Variants in FMN1 observed in about 807,000 individuals in gnomAD.
FMN1 encodes formin 1, also known as formin-1.
In FMN1, 110 loss-of-function variants were observed where a neutral mutation model predicts 132.4. The ratio of observed to expected loss-of-function variants is 0.83; its 90% confidence interval spans 0.71 to 0.97. FMN1 has a LOEUF of 0.97. Ranked by LOEUF, FMN1 falls within the 50% of genes least tolerant of loss-of-function variation. The probability of loss-of-function intolerance (pLI) is 0.00; values close to 1 mark genes in which losing one functional copy is unlikely to be tolerated. For synonymous variants in FMN1, 722 were observed against 651.7 expected, an observed-to-expected ratio of 1.11 and a Z score of -1.64; for missense variants, 1,792 against 1,705.3, an observed-to-expected ratio of 1.05 and a Z score of -0.90.
chr15:32,776,845 G>A lies in FMN1; in HGVS notation c.4205C>T (p.Thr1402Ile). ...KKVETKKINPTASLKERLRQK... is the reference protein window; with the variant it reads ...KKVETKKINPIASLKERLRQK... Reference sequence around the variant, plus strand: ...AAAAATATATCTCACCAGGCTAGCAGTGGGATTGATTTTCTTTGTCTCCAC... The same window carrying A: ...AAAAATATATCTCACCAGGCTAGCAATGGGATTGATTTTCTTTGTCTCCAC... Residue 1402 changes from threonine (T) to isoleucine (I), a missense_variant, in exon 20 of 21, where the codon ACT (threonine) becomes ATT (isoleucine). By Grantham distance (89) the Thr-to-Ile change is moderately conservative (BLOSUM62 -1). Transcript: ENST00000616417. 2 of 1,583,116 alleles carry A rather than the reference G, an allele frequency of 1.3e-6. No homozygotes were observed. Among genetic ancestry groups the A allele is most frequent in the Non-Finnish European group, 1.7e-6 (2 of 1,159,084 alleles).
intron 5 of FMN1, among the ~76,000 whole-genome samples, chr15:33,080,332 T>C (rs2038401122): frequency 6.6e-6 from 1 of 152,240 alleles, no homozygotes; most frequent in Non-Finnish European, 1.5e-5. Context: ...AGGACTGAAA[T>C]CTGCTGGTGT....
At position 32,981,518 on chromosome 15, in the gene FMN1, AAATAAT is replaced by A. The variant is rs34776483; in HGVS notation, c.2224-12047_2224-12042del. Reference sequence around the variant, plus strand: ...GGGCAACAGAGCAAGACTCCATCTCAAATAATAATAATAATAATAATAATAATTATT... The same window carrying A: ...GGGCAACAGAGCAAGACTCCATCTCAAATAATAATAATAATAATAATTATT... On this transcript the variant is annotated intron_variant, in intron 7 of 20. Coordinates refer to ENST00000616417, the MANE Select transcript of FMN1 (RefSeq NM_001277313.2). Among the ~76,000 whole-genome samples, 25 of 140,638 alleles carry A rather than the reference AAATAAT, an allele frequency of 1.8e-4. No homozygotes were observed. The East Asian group carries it at 3.0e-3, about 17-fold the overall frequency. The allele number at this position is 140,638 out of a possible 152,430, so 92.3% of individuals were successfully genotyped here.
At chr15:33,114,235 G>C (rs968434344) in intron 4 of FMN1, among the ~76,000 whole-genome samples, 1 of 152,194 alleles carries the variant, frequency 6.6e-6, no homozygotes, top group African/African-American at 2.4e-5. Context: ...AGGCCTATGG[G>C]TTATTATTTC....
rs1447183509 is a variant in FMN1 at position 32,868,561 on chromosome 15, CAT to C, written c.3836-11456_3836-11455del. Among the ~76,000 whole-genome samples the C allele has an allele frequency of 3.9e-5, 6 of 152,292 alleles. No homozygotes were observed. The East Asian group carries it at 7.7e-4, about 20-fold the overall frequency. On this transcript the variant is annotated intron_variant, in intron 16 of 20. Transcript: ENST00000616417. ...AACATATCCCAGTTGTTAAGTGACA[CAT>C]GACTGTATGTATGTATATGTAGACA...
chr15:32,896,591 A>G (rs909252778), intron 15 of FMN1, among the ~76,000 whole-genome samples: 3 of 152,066 alleles, frequency 2.0e-5, no homozygotes, highest in Non-Finnish European at 2.9e-5. Context: ...CCATTCCCGC[A>G]TCATTCATTC....
At chr15:32,811,809 C>T (rs945365343) in intron 17 of FMN1, among the ~76,000 whole-genome samples, 11 of 152,052 alleles carry the variant, frequency 7.2e-5, no homozygotes, top group Admixed American at 4.6e-4. Flanking sequence ...GGATTACAGG[C>T]ACATGCCACC....
chr15:32,941,809 T>C (rs1003084322), intron 9 of FMN1, among the ~76,000 whole-genome samples: 2 of 152,160 alleles, frequency 1.3e-5, no homozygotes, highest in African/African-American at 4.8e-5. Context: ...TTCAGAAACC[T>C]CAAGATCACC....
chr15:33,022,217 C>G (rs1041680196), intron 6 of FMN1, among the ~76,000 whole-genome samples: 11 of 151,906 alleles, frequency 7.2e-5, no homozygotes, highest in African/African-American at 2.4e-4. Flanking sequence ...ATTTTTTTCC[C>G]AAATGTTTCC....
intron 6 of FMN1, among the ~76,000 whole-genome samples, chr15:33,014,917 G>A (rs148286013): frequency 2.5e-3 from 382 of 152,270 alleles, no homozygotes; most frequent in African/African-American, 8.2e-3. Context: ...ATATGGGTAC[G>A]GATAACATTA....
At chr15:32,856,969 G>C (rs370762225) in intron 17 of FMN1, 46 bp downstream of exon 17, 4 of 1,347,496 alleles carry the variant, frequency 3.0e-6, no homozygotes, top group Non-Finnish European at 4.3e-6. Context: ...ATGGAATGAA[G>C]GATGTTTCAG....
rs147251670 is a variant in FMN1, at chr15:33,127,040, CAA to C, written c.1867+26006_1867+26007del. ...TGAGAAAACTGCAAGATGCATGTTGCAAAAAGACATATTAAGCTTTCTGCTGT... is the reference window on the plus strand; with the variant it reads ...TGAGAAAACTGCAAGATGCATGTTGCAAAGACATATTAAGCTTTCTGCTGT... On this transcript the variant is annotated intron_variant, in intron 4 of 20. Transcript: ENST00000616417. 5.0e-3 allele frequency among the ~76,000 whole-genome samples: 766 copies of C among 152,218 alleles called. 3 individuals carry two copies. The highest frequency in any genetic ancestry group is 0.018 in the African/African-American group (744 of 41,522).
intron 3 of FMN1, among the ~76,000 whole-genome samples, chr15:33,175,117 C>T (rs190420540): frequency 4.3e-4 from 66 of 152,094 alleles, no homozygotes; most frequent in African/African-American, 1.4e-3. Context: ...CCTTGACATC[C>T]GAGGCTCAAG....
intron 7 of FMN1, 98 bp downstream of exon 7, chr15:33,007,916 G>C: frequency 2.9e-6 from 3 of 1,045,138 alleles, no homozygotes; most frequent in African/African-American, 1.6e-5. Context: ...ATGCTGTCTA[G>C]TTTAACACTT....
At position 32,938,096 on chromosome 15, in the gene FMN1, CT is replaced by C. The variant is rs751245089; in HGVS notation, c.3139-11836del. The stretch of plus-strand genomic sequence containing the variant: ...GAGAAAAAGTATACATTTTGTTGCA[CT>C]TTTTTTTTTCACTGTGTAGCGTGTT... On this transcript the variant is annotated intron_variant, in intron 9 of 20. Transcript: ENST00000616417. Among the ~76,000 whole-genome samples the C allele has an allele frequency of 1.7e-3, 256 of 149,112 alleles. 1 individual carries two copies. Among genetic ancestry groups the C allele is most frequent in the East Asian group, 4.3e-3 (22 of 5,090 alleles).
At chr15:33,128,187 T>C (rs1427622930) in intron 4 of FMN1, among the ~76,000 whole-genome samples, 1 of 150,708 alleles carries the variant, frequency 6.6e-6, no homozygotes, top group African/African-American at 2.5e-5. Flanking sequence ...GCAAACAAAT[T>C]GCTCCCGGGA....
intron 19 of FMN1, among the ~76,000 whole-genome samples, chr15:32,792,183 G>A (rs967381155): frequency 6.6e-6 from 1 of 150,924 alleles, no homozygotes; most frequent in Non-Finnish European, 1.5e-5. Flanking sequence ...TCAAAAACTA[G>A]CAGTGGCACA....
In FMN1 at chr15:33,114,016, C is replaced by T. The variant is rs562033900; in HGVS notation, c.1868-25042G>A. 1.3e-4 allele frequency among the ~76,000 whole-genome samples: 20 copies of T among 152,350 alleles called. No homozygotes were observed. In the South Asian group the frequency reaches 3.7e-3, roughly 28 times the overall value. On this transcript the variant is annotated intron_variant, in intron 4 of 20. Coordinates refer to ENST00000616417, the MANE Select transcript of FMN1 (RefSeq NM_001277313.2). The stretch of plus-strand genomic sequence containing the variant: ...GTTATCTAAGGTCCAAGTCAAGCCT[C>T]CTCCCCTTGGCAGTTCTCCAAGATC...
At chr15:32,913,589 C>T (rs1474802106) in intron 10 of FMN1, among the ~76,000 whole-genome samples, 2 of 152,118 alleles carry the variant, frequency 1.3e-5, no homozygotes, top group Non-Finnish European at 2.9e-5. Flanking sequence ...AGGTCAAAGC[C>T]CTGGAAGGAC....
chr15:32,913,649 G>T (rs1309568517), intron 10 of FMN1, among the ~76,000 whole-genome samples: 4 of 152,082 alleles, frequency 2.6e-5, no homozygotes, highest in Non-Finnish European at 4.4e-5. Context: ...CTCTGCCATG[G>T]TACCTCTCTC....
Sources: allele counts gnomAD v4.1 joint callset (sites outside exome capture counted in the v4.1 genomes callset), GRCh38; gene constraint gnomAD v4.1.1; transcripts MANE v1.5; gene names NCBI Gene and HGNC (gene_info 2026-07-23, HGNC 2026-07-21).